FRMD4A: variants seen among roughly 807,000 people sequenced by gnomAD.
FRMD4A encodes FERM domain containing 4A.
A neutral mutation model predicts 129.1 loss-of-function variants in FRMD4A; 29 were observed. The ratio of observed to expected loss-of-function variants is 0.22; its 90% CI spans 0.17 to 0.31. The LOEUF is 0.31. FRMD4A is among the 10% of genes least tolerant of loss of function. The pLI, the probability that FRMD4A is intolerant of heterozygous loss-of-function variation, is 1.00. For synonymous variants in FRMD4A, 634 were observed against 571.6 expected (o/e 1.11, Z -1.56); for missense variants, 1,272 against 1,375.8 (o/e 0.92, Z 1.19).
chr10:13,702,375 T>C (rs1487610491), intron 13 of FRMD4A, among the ~76,000 whole-genome samples: 1 of 152,232 alleles, frequency 6.6e-6, no homozygotes, highest in Non-Finnish European at 1.5e-5. Flanking sequence ...TGTCTATACA[T>C]TTTTAAATCT....
At chr10:13,775,434 T>C (rs1345820235) in intron 6 of FRMD4A, among the ~76,000 whole-genome samples, 1 of 152,210 alleles carries the variant, frequency 6.6e-6, no homozygotes, top group Non-Finnish European at 1.5e-5. Context: ...AATTTTTTTT[T>C]TGTATATTTC....
chr10:13,650,234 A>AACTT (rs757335808), intron 24 of FRMD4A, among the ~76,000 whole-genome samples: 20 of 152,244 alleles, frequency 1.3e-4, no homozygotes, highest in Non-Finnish European at 2.6e-4. Context: ...ACGTATAACT[A>AACTT]ACTTACAGAA....
chr10:14,303,302 C>G (rs1039042551), intron 2 of FRMD4A, among the ~76,000 whole-genome samples: 5 of 152,178 alleles, frequency 3.3e-5, no homozygotes, highest in Non-Finnish European at 7.3e-5. Flanking sequence ...GGGGTCCTTG[C>G]TGAAATGCAG....
chr10:13,925,566 C>CTGTTTTTTTT (rs2095122540), intron 2 of FRMD4A, among the ~76,000 whole-genome samples: 1 of 61,938 alleles, frequency 1.6e-5, no homozygotes, highest in Non-Finnish European at 2.7e-5. Flanking sequence ...TAGTGAAACG[C>CTGTTTTTTTT]TTTTTTTTTT....
chr10:14,171,270 T>C (rs1226689002), intron 2 of FRMD4A, among the ~76,000 whole-genome samples: 3 of 152,178 alleles, frequency 2.0e-5, no homozygotes, highest in Non-Finnish European at 4.4e-5. Flanking sequence ...TTTGCTATGG[T>C]TGAAATCCTG....
At chr10:13,649,994 A>C (rs2081421046) in intron 24 of FRMD4A, among the ~76,000 whole-genome samples, 1 of 152,188 alleles carries the variant, frequency 6.6e-6, no homozygotes, top group Non-Finnish European at 1.5e-5. Flanking sequence ...GGTCACAGCA[A>C]GTGGTGACTT....
chr10:13,696,307 CCTTT>C (rs1400718494), intron 14 of FRMD4A, among the ~76,000 whole-genome samples: 1 of 152,204 alleles, frequency 6.6e-6, no homozygotes, highest in African/African-American at 2.4e-5. Flanking sequence ...CCCATGACTT[CCTTT>C]CTTTCTACAT....
At position 14,294,154 on chromosome 10, in the gene FRMD4A, C is replaced by T. The variant is rs78869297; in HGVS notation, c.45+35904G>A. 5.4e-3 allele frequency among the ~76,000 whole-genome samples: 828 copies of T among 152,290 alleles called. 4 individuals carry two copies. Among genetic ancestry groups the T allele is most frequent in the African/African-American group, 0.019 (785 of 41,546 alleles). Reference sequence around the variant, plus strand: ...TCCTAAGTGCCACTAATGTTGTTTCCTAACCATACTGGTAGTTATATTGAT... The same window carrying T: ...TCCTAAGTGCCACTAATGTTGTTTCTTAACCATACTGGTAGTTATATTGAT... On this transcript the variant is annotated intron_variant, in intron 2 of 24. Coordinates refer to ENST00000357447, the MANE Select transcript of FRMD4A (RefSeq NM_018027.5).
intron 2 of FRMD4A, among the ~76,000 whole-genome samples, chr10:14,211,764 G>T (rs1842939688): frequency 6.6e-6 from 1 of 152,180 alleles, no homozygotes; most frequent in Non-Finnish European, 1.5e-5. Context: ...GCAACTAACA[G>T]TTAAGTAAGA....
intron 2 of FRMD4A, among the ~76,000 whole-genome samples, chr10:14,088,206 G>A (rs1836407906): frequency 6.6e-6 from 1 of 152,092 alleles, no homozygotes. Flanking sequence ...CAGCACTCTG[G>A]GAGGCTGAGG....
At chr10:14,094,231 G>A (rs789765) in intron 2 of FRMD4A, among the ~76,000 whole-genome samples, 41,860 of 152,136 alleles carry the variant, frequency 0.28, 6,374 homozygotes, top group East Asian at 0.53. Flanking sequence ...AATGCCAGAC[G>A]ACATGGCGCG....
chr10:13,935,193 C>T (rs927234635), intron 2 of FRMD4A, among the ~76,000 whole-genome samples: 1 of 152,048 alleles, frequency 6.6e-6, no homozygotes, highest in Non-Finnish European at 1.5e-5. Flanking sequence ...AATCCCAGCA[C>T]TTTGGTAGGC....
chr10:14,234,506 T>C (rs1172797134), intron 2 of FRMD4A, among the ~76,000 whole-genome samples: 1 of 152,324 alleles, frequency 6.6e-6, no homozygotes, highest in East Asian at 1.9e-4. Flanking sequence ...CCCACGTTAC[T>C]CTGGGCTGCC....
At chr10:14,240,078 G>C (rs1262962034) in intron 2 of FRMD4A, among the ~76,000 whole-genome samples, 2 of 152,180 alleles carry the variant, frequency 1.3e-5, no homozygotes, top group African/African-American at 4.8e-5. Flanking sequence ...ATTGATAATA[G>C]AGTCTACTAT....
At chr10:13,707,345 C>T in intron 12 of FRMD4A, 1 of 1,242,952 alleles carries the variant, frequency 8.0e-7, no homozygotes, top group East Asian at 3.1e-5. Flanking sequence ...GGTTCCTTAA[C>T]TGGAACAAAA....
Position 14,226,407 on chromosome 10 carries a change from G to A in FRMD4A, c.45+103651C>T, listed in dbSNP as rs188289447. On this transcript the variant is annotated intron_variant, in intron 2 of 24. Coordinates refer to ENST00000357447, the MANE Select transcript of FRMD4A (RefSeq NM_018027.5). ...TTGTGTTATCATCGTATACATCAGT[G>A]TGTTTCAGCTATTTTGTGCCTGTTC... 5.9e-5 allele frequency among the ~76,000 whole-genome samples: 9 copies of A among 152,318 alleles called. No individual in the cohort carries two copies. The East Asian group carries it at 1.7e-3, about 29-fold the overall frequency.
rs150053429 is a variant in FRMD4A at position 13,993,403 on chromosome 10, T to C, written c.46-134491A>G. Reference sequence around the variant, plus strand: ...TAGCATGAAAGAGATGATTTAGAACTGAAAGGTTTTAGTCCAGCTGTTACC... The same window carrying C: ...TAGCATGAAAGAGATGATTTAGAACCGAAAGGTTTTAGTCCAGCTGTTACC... On this transcript the variant is annotated intron_variant, in intron 2 of 24. Coordinates refer to ENST00000357447, the MANE Select transcript of FRMD4A (RefSeq NM_018027.5). Among the ~76,000 whole-genome samples, 507 of 152,284 alleles carry C rather than the reference T, an allele frequency of 3.3e-3. 5 individuals are homozygous for C. The highest frequency in any genetic ancestry group is 0.013 in the East Asian group (68 of 5,190).
chr10:13,951,890 A>AAATGATAATAATAATAAT (rs2095373061), intron 2 of FRMD4A, among the ~76,000 whole-genome samples: 1 of 127,654 alleles, frequency 7.8e-6, no homozygotes, highest in Non-Finnish European at 1.7e-5. Flanking sequence ...ACTCTGTCTC[A>AAATGATAATAATAATAAT]AATAATAATA....
At chr10:14,226,827 G>C (rs1843454137) in intron 2 of FRMD4A, among the ~76,000 whole-genome samples, 1 of 152,084 alleles carries the variant, frequency 6.6e-6, no homozygotes, top group Non-Finnish European at 1.5e-5. Flanking sequence ...ATTCCTTCTT[G>C]CCTGTCTCCT....
Sources: allele counts gnomAD v4.1 joint callset (sites outside exome capture counted in the v4.1 genomes callset), GRCh38; gene constraint gnomAD v4.1.1; transcripts MANE v1.5; gene names NCBI Gene and HGNC (gene_info 2026-07-23, HGNC 2026-07-21).